NCOA2: variants seen among roughly 807,000 people sequenced by gnomAD.
NCOA2 encodes nuclear receptor coactivator 2, also known as class E basic helix-loop-helix protein 75.
NCOA2 carries 21 observed loss-of-function variants against 145.1 expected under a neutral mutation model. The observed-to-expected ratio is 0.14, with a 90% CI of 0.10 to 0.21. The LOEUF (loss-of-function observed/expected upper bound fraction) is 0.21, where lower values mean the gene tolerates loss of function less well. Among genes scored for constraint, NCOA2 ranks in the 10% least tolerant of loss-of-function variants. The probability of loss-of-function intolerance (pLI) is 1.00; values close to 1 mark genes in which losing one functional copy is unlikely to be tolerated. For missense variants in NCOA2, 1,472 were observed against 1,837.6 expected (o/e 0.80, Z 3.64); for synonymous variants, 619 against 637.5 (o/e 0.97, Z 0.44).
rs934671145 is a variant in NCOA2 at position 70,112,679 on chromosome 8, G to C, written c.*953C>G. Reference sequence around the variant, plus strand: ...TCTGAAATTCAATACTTAGCAATTGGTAAGTGGCTGGCAAAACATTTAAGG... The same window carrying C: ...TCTGAAATTCAATACTTAGCAATTGCTAAGTGGCTGGCAAAACATTTAAGG... On this transcript the variant is annotated 3_prime_UTR_variant, in exon 23 of 23. Coordinates refer to ENST00000452400, the MANE Select transcript of NCOA2 (RefSeq NM_006540.4). 2 of 200,792 alleles carry C rather than the reference G, an allele frequency of 1.0e-5. No individual in the cohort carries two copies. Among genetic ancestry groups the C allele is most frequent in the African/African-American group, 4.6e-5 (2 of 43,464 alleles). 12.4% of individuals were successfully genotyped at this position (200,792 alleles called of 1,614,324 possible).
In NCOA2 at chr8:70,156,037, G is replaced by A. The variant is rs762182702; in HGVS notation, c.2328C>T (p.Ala776=). 1.0e-4 allele frequency: 166 copies of A among 1,609,214 alleles called. No homozygotes were observed. Among genetic ancestry groups the A allele is most frequent in the Non-Finnish European group, 1.3e-4 (158 of 1,178,528 alleles). The change falls in exon 11 of 23, where the codon GCC becomes GCT. Residue 776 remains alanine, a synonymous_variant. Coordinates refer to ENST00000452400, the MANE Select transcript of NCOA2 (RefSeq NM_006540.4). ...LERLDSKTDP[A]SNTKLIAMKT... is the part of the protein sequence containing the mutation. Reference sequence around the variant, plus strand: ...TCATTGCTATTAATTTTGTGTTACTGGCAGGATCTGTCTTACTGTCCAGTC... The same window carrying A: ...TCATTGCTATTAATTTTGTGTTACTAGCAGGATCTGTCTTACTGTCCAGTC...
chr8:70,165,873 G>A (rs1813556982), intron 7 of NCOA2, among the ~76,000 whole-genome samples: 1 of 152,176 alleles, frequency 6.6e-6, no homozygotes, highest in Non-Finnish European at 1.5e-5. Flanking sequence ...AGGCTGGAGT[G>A]CAATGGCGTG....
rs2979636 is a variant in NCOA2, at chr8:70,128,756, C to T, written c.3549G>A (p.Gln1183=). 1 of 1,614,026 alleles carries T rather than the reference C, an allele frequency of 6.2e-7. No individual in the cohort carries two copies. The highest frequency in any genetic ancestry group is 8.5e-7 in the Non-Finnish European group (1 of 1,179,902). Residue 1183 remains glutamine (Q), a synonymous_variant, in exon 17 of 23, where the codon CAG becomes CAA. Transcript: ENST00000452400. Reference sequence around the variant, plus strand: ...GAAGTCTTAGTTGATTTGGCTGGTTCTGCACTAGGCCCGTGGGCCTGAGGC... The same window carrying T: ...GAAGTCTTAGTTGATTTGGCTGGTTTTGCACTAGGCCCGTGGGCCTGAGGC... ...RPGLRPTGLV[Q]NQPNQLRLQL... is the part of the protein sequence containing the mutation.
chr8:70,255,812 G>A (rs990100380), intron 2 of NCOA2, among the ~76,000 whole-genome samples: 1 of 152,092 alleles, frequency 6.6e-6, no homozygotes, highest in Non-Finnish European at 1.5e-5. Context: ...GTGAGAGTCG[G>A]GGGCAGATTA....
chr8:70,186,961 T>C (rs960705172), intron 4 of NCOA2, among the ~76,000 whole-genome samples: 3 of 152,250 alleles, frequency 2.0e-5, no homozygotes, highest in African/African-American at 4.8e-5. Context: ...GAGCTTTAAA[T>C]ACATCTTTAA....
intron 14 of NCOA2, 118 bp downstream of exon 14, chr8:70,141,066 G>A: frequency 1.0e-6 from 1 of 1,003,134 alleles, no homozygotes; most frequent in Non-Finnish European, 1.5e-6. Context: ...ACTTATGGCA[G>A]CTTCATGGGA....
At chr8:70,283,772 G>A (rs929786483) in intron 2 of NCOA2, among the ~76,000 whole-genome samples, 2 of 152,044 alleles carry the variant, frequency 1.3e-5, no homozygotes, top group African/African-American at 2.4e-5. Context: ...TGGAATATTT[G>A]CATTGCACTC....
chr8:70,163,374 C>G, intron 8 of NCOA2, 91 bp downstream of exon 8: 1 of 890,544 alleles, frequency 1.1e-6, no homozygotes, highest in African/African-American at 1.7e-5. Context: ...GTACTAGCAT[C>G]CTTACAGTCT....
At chr8:70,155,196 AAT>A (rs774415126) in intron 11 of NCOA2, among the ~76,000 whole-genome samples, 16 of 152,202 alleles carry the variant, frequency 1.1e-4, no homozygotes, top group Non-Finnish European at 2.4e-4. Context: ...CAGACGTACT[AAT>A]ATCAGTTCAA....
intron 4 of NCOA2, among the ~76,000 whole-genome samples, chr8:70,208,477 A>C (rs551605021): frequency 2.0e-5 from 3 of 152,344 alleles, no homozygotes; most frequent in East Asian, 3.9e-4. Context: ...TAAGCAATAG[A>C]TTTTCAATGT....
At chr8:70,319,843 T>A (rs1805903190) in intron 1 of NCOA2, among the ~76,000 whole-genome samples, 1 of 152,164 alleles carries the variant, frequency 6.6e-6, no homozygotes, top group South Asian at 2.1e-4. Flanking sequence ...TGCAGAATAC[T>A]CATGAAAATA....
intron 4 of NCOA2, among the ~76,000 whole-genome samples, chr8:70,180,871 T>A (rs1482138919): frequency 6.6e-6 from 1 of 152,166 alleles, no homozygotes; most frequent in Non-Finnish European, 1.5e-5. Flanking sequence ...CATGCTCAGC[T>A]CCATGCATAA....
chr8:70,222,844 CA>C (rs1820274730), intron 2 of NCOA2, among the ~76,000 whole-genome samples: 1 of 152,144 alleles, frequency 6.6e-6, no homozygotes, highest in African/African-American at 2.4e-5. Context: ...ACATAAGTAG[CA>C]GGGAGCTGTT....
chr8:70,289,809 T>C (rs1035023366), intron 2 of NCOA2, among the ~76,000 whole-genome samples: 1 of 152,080 alleles, frequency 6.6e-6, no homozygotes, highest in African/African-American at 2.4e-5. Flanking sequence ...TACTTGGCCA[T>C]TATTAAGTGC....
intron 2 of NCOA2, among the ~76,000 whole-genome samples, chr8:70,240,918 T>G (rs1278573022): frequency 6.6e-6 from 1 of 152,086 alleles, no homozygotes; most frequent in African/African-American, 2.4e-5. Flanking sequence ...GCTATTACAT[T>G]AAAGGTAGAA....
chr8:70,376,809 C>T (rs1043621259), intron 1 of NCOA2, among the ~76,000 whole-genome samples: 24 of 152,172 alleles, frequency 1.6e-4, no homozygotes, highest in Non-Finnish European at 3.1e-4. Flanking sequence ...CTGTCAAAAT[C>T]TTACTCAGGT....
chr8:70,258,767 A>G (rs945901775), intron 2 of NCOA2, among the ~76,000 whole-genome samples: 2 of 152,232 alleles, frequency 1.3e-5, no homozygotes, highest in Non-Finnish European at 2.9e-5. Flanking sequence ...CAATTCCCTC[A>G]TGTGTAACAT....
chr8:70,251,581 T>A (rs1177644390), intron 2 of NCOA2, among the ~76,000 whole-genome samples: 1 of 152,230 alleles, frequency 6.6e-6, no homozygotes, highest in Admixed American at 6.5e-5. Flanking sequence ...AAACTGAAAT[T>A]CTTAAGTCAT....
At chr8:70,421,268 A>G in the NCOA2 span, among the ~76,000 whole-genome samples, 2 of 152,190 alleles carry the variant, frequency 1.3e-5, no homozygotes, top group South Asian at 4.2e-4. Context: ...AATTCTTTAA[A>G]ATCTTGACAC....
Sources: gnomAD v4.1 joint callset for allele counts (sites outside exome capture counted in the v4.1 genomes callset) on GRCh38, gnomAD v4.1.1 for gene constraint, MANE v1.5 for transcripts, NCBI Gene and HGNC (gene_info 2026-07-23, HGNC 2026-07-21) for gene names.